The following RGS6 variants were observed in gnomAD, a reference collection of about 807,000 sequenced individuals.
RGS6 encodes regulator of G-protein signaling 6.
A neutral mutation model predicts 78.5 loss-of-function variants in RGS6; 30 were observed. The observed-to-expected ratio is 0.38, with a 90% CI of 0.29 to 0.52. The LOEUF is 0.52. RGS6 is among the 20% of genes least tolerant of loss of function. The pLI, the probability that RGS6 is intolerant of heterozygous loss-of-function variation, is 0.85. For missense variants in RGS6, 495 were observed against 609.7 expected, an observed-to-expected ratio of 0.81 and a Z score of 1.98; for synonymous variants, 206 against 206.0, an observed-to-expected ratio of 1.00 and a Z score of 0.00.
intron 3 of RGS6, among the ~76,000 whole-genome samples, chr14:72,368,035 A>T (rs1366192074): frequency 6.6e-6 from 1 of 152,204 alleles, no homozygotes; most frequent in East Asian, 1.9e-4. Flanking sequence ...TTGTCTTAAG[A>T]TGTGTGTCTC....
At chr14:72,209,747 A>C (rs1470193109) in intron 2 of RGS6, among the ~76,000 whole-genome samples, 1 of 152,216 alleles carries the variant, frequency 6.6e-6, no homozygotes, top group African/African-American at 2.4e-5. Flanking sequence ...GGGAGCATGC[A>C]GTGGTGAGAA....
intron 3 of RGS6, among the ~76,000 whole-genome samples, chr14:72,358,674 C>T (rs1050486790): frequency 1.3e-5 from 2 of 152,226 alleles, no homozygotes; most frequent in Non-Finnish European, 2.9e-5. Flanking sequence ...TAGGAAGTAA[C>T]TAGCTTGCTT....
At chr14:72,345,898 G>C (rs562316122) in intron 2 of RGS6, among the ~76,000 whole-genome samples, 1 of 152,198 alleles carries the variant, frequency 6.6e-6, no homozygotes, top group Non-Finnish European at 1.5e-5. Flanking sequence ...ATATGGGGCA[G>C]AGCCTGCTCA....
rs377413447 is a variant in RGS6 at position 72,508,405 on chromosome 14, A to G, written c.966-1749A>G. On this transcript the variant is annotated intron_variant, in intron 13 of 17. Coordinates refer to ENST00000553525, the MANE Select transcript of RGS6 (RefSeq NM_001204424.2). ...TTTTAAAATTCAGTTCATCAGTCAC[A>G]CTAGCCAGTTTTCAACAGCCCAATA... Among the ~76,000 whole-genome samples, 15 of 152,278 alleles carry G rather than the reference A, an allele frequency of 9.9e-5. No individual in the cohort carries two copies. In the East Asian group the frequency reaches 2.9e-3, roughly 29 times the overall value.
chr14:72,224,002 A>C (rs2047509030), intron 2 of RGS6, among the ~76,000 whole-genome samples: 1 of 152,260 alleles, frequency 6.6e-6, no homozygotes. Context: ...TAGCAAAGAC[A>C]TCAAAACATT....
At position 72,465,231 on chromosome 14, in the gene RGS6, C is replaced by G. The variant is rs889915520; in HGVS notation, c.395-527C>G. ...TATTTGCCATCCTAACGAGCCCAAC[C>G]TTACTTCTGAGGCCATTGAGGACTC... On this transcript the variant is annotated intron_variant, in intron 6 of 17. Transcript: ENST00000553525. 3.9e-5 allele frequency among the ~76,000 whole-genome samples: 6 copies of G among 152,258 alleles called. No homozygotes were observed. In the South Asian group the frequency reaches 1.2e-3, roughly 32 times the overall value.
At chr14:72,123,737 G>T (rs1031123549) in intron 2 of RGS6, among the ~76,000 whole-genome samples, 1 of 152,166 alleles carries the variant, frequency 6.6e-6, no homozygotes, top group Non-Finnish European at 1.5e-5. Flanking sequence ...AGTCTGACCT[G>T]CCCAAGACCT....
At chr14:72,331,984 A>T (rs2075146277) in intron 2 of RGS6, among the ~76,000 whole-genome samples, 1 of 152,142 alleles carries the variant, frequency 6.6e-6, no homozygotes, top group South Asian at 2.1e-4. Flanking sequence ...GTGTAAAATC[A>T]CCTGTTAGCC....
chr14:72,551,643 C>G (rs1358889459), intron 17 of RGS6, among the ~76,000 whole-genome samples: 1 of 152,200 alleles, frequency 6.6e-6, no homozygotes, highest in Non-Finnish European at 1.5e-5. Context: ...CCAGCTGAAT[C>G]CCTTTTTCTC....
rs528269165 is a variant in RGS6, at chr14:72,088,597, G to A, written c.84+123722G>A. Among the ~76,000 whole-genome samples, 9 of 149,762 alleles carry A rather than the reference G, an allele frequency of 6.0e-5. No homozygotes were observed. The South Asian group carries it at 1.1e-3, about 18-fold the overall frequency. On this transcript the variant is annotated intron_variant, in intron 2 of 17. Coordinates refer to ENST00000553525, the MANE Select transcript of RGS6 (RefSeq NM_001204424.2). ...ATTTTTCTGCTCCCTTTATGCCCCC[G>A]CCCCACCCCTTCCCAGCCACTTTCT...
chr14:72,064,728 A>G (rs1210261057), intron 2 of RGS6, among the ~76,000 whole-genome samples: 1 of 152,256 alleles, frequency 6.6e-6, no homozygotes, highest in African/African-American at 2.4e-5. Context: ...TAGGTACAAC[A>G]AAAGAAGCTT....
intron 13 of RGS6, 52 bp from the exon 14 acceptor site, chr14:72,510,102 G>A (rs1010923798): frequency 3.0e-5 from 46 of 1,526,128 alleles, no homozygotes; most frequent in Admixed American, 2.3e-4. Context: ...AATATGACAC[G>A]AGCTTTTCTC....
At chr14:72,317,822 G>GAT (rs1207401869) in intron 2 of RGS6, among the ~76,000 whole-genome samples, 2 of 152,080 alleles carry the variant, frequency 1.3e-5, no homozygotes, top group East Asian at 3.9e-4. Context: ...TAATAGGACA[G>GAT]ATATATATAG....
intron 6 of RGS6, chr14:72,464,758 G>A (rs2095859910): frequency 6.6e-6 from 1 of 152,236 alleles, no homozygotes; most frequent in Admixed American, 6.5e-5. Context: ...GTTTGAGGAA[G>A]AAACAGGGAA....
At chr14:72,122,660 A>G (rs1283254042) in intron 2 of RGS6, among the ~76,000 whole-genome samples, 1 of 151,702 alleles carries the variant, frequency 6.6e-6, no homozygotes, top group African/African-American at 2.4e-5. Context: ...CAGGGACATC[A>G]CCATGTTTGT....
At chr14:72,320,257 G>C (rs1454466261) in intron 2 of RGS6, among the ~76,000 whole-genome samples, 1 of 152,166 alleles carries the variant, frequency 6.6e-6, no homozygotes, top group Non-Finnish European at 1.5e-5. Context: ...TAAGAACCCA[G>C]AGAAGATGAT....
intron 2 of RGS6, among the ~76,000 whole-genome samples, chr14:72,298,649 C>T (rs1017812244): frequency 3.9e-5 from 6 of 151,920 alleles, no homozygotes; most frequent in South Asian, 4.2e-4. Context: ...GGGGTTTCAC[C>T]GTGTTAGCCA....
intron 13 of RGS6, among the ~76,000 whole-genome samples, chr14:72,505,783 A>C (rs959997266): frequency 8.5e-5 from 13 of 152,224 alleles, no homozygotes; most frequent in African/African-American, 2.9e-4. Flanking sequence ...GGCTTATATT[A>C]AGATTTAAAT....
chr14:72,074,952 G>A (rs1003634192), intron 2 of RGS6, among the ~76,000 whole-genome samples: 1 of 152,078 alleles, frequency 6.6e-6, no homozygotes, highest in African/African-American at 2.4e-5. Context: ...TACTGATGTG[G>A]AAACATACTT....
Sources: allele counts gnomAD v4.1 joint callset (sites outside exome capture counted in the v4.1 genomes callset), GRCh38; gene constraint gnomAD v4.1.1; transcripts MANE v1.5; gene names NCBI Gene and HGNC (gene_info 2026-07-23, HGNC 2026-07-21).